The following RELT variants were observed in gnomAD, a reference collection of about 807,000 sequenced individuals.
RELT encodes RELT TNF receptor.
In RELT, 37 loss-of-function variants were observed where a neutral mutation model predicts 51.1. That is an observed-to-expected ratio of 0.72 (90% CI 0.56 to 0.95). The LOEUF (loss-of-function observed/expected upper bound fraction) is 0.95, where lower values mean the gene tolerates loss of function less well. RELT is among the 40% of genes least tolerant of loss of function. The pLI is 0.00. For missense variants in RELT, 535 were observed against 572.6 expected, an observed-to-expected ratio of 0.93 and a Z score of 0.67; for synonymous variants, 241 against 235.7, an observed-to-expected ratio of 1.02 and a Z score of -0.21.
At chr11:73,392,046 A>G in intron 5 of RELT, 165 bp from the exon 6 acceptor site, 1 of 779,220 alleles carries the variant, frequency 1.3e-6, no homozygotes, top group Non-Finnish European at 2.0e-6. Context: ...AAGGGAAAAC[A>G]GGAGGGCAGT....
intron 6 of RELT, chr11:73,393,107 A>G (rs1412562357): frequency 3.0e-6 from 3 of 997,422 alleles, no homozygotes; most frequent in South Asian, 8.7e-5. Context: ...GGCATCTCCC[A>G]TGCTAGCACC....
chr11:73,388,222 T>C lies in RELT; in HGVS notation c.-25-890T>C, dbSNP rs925401221. ...TCGTTTCTTGGCACTTACCACCAAA[T>C]GGCAGGGGCACCTCTCTGTTTGCAG... On this transcript the variant is annotated intron_variant, in intron 1 of 10. Transcript: ENST00000064780. This position sits in a 1 kb window ranked among gnomAD's most constrained non-coding sequence, Gnocchi z 4.1. Among the ~76,000 whole-genome samples the C allele has an allele frequency of 7.9e-5, 12 of 152,210 alleles. No homozygotes were observed. Among genetic ancestry groups the C allele is most frequent in the African/African-American group, 2.9e-4 (12 of 41,462 alleles).
intron 1 of RELT, among the ~76,000 whole-genome samples, chr11:73,378,937 A>G (rs1442646562): frequency 6.6e-6 from 1 of 152,162 alleles, no homozygotes; most frequent in South Asian, 2.1e-4. Context: ...TCCCCTTTGC[A>G]GTTGCTCTAG....
chr11:73,392,443 G>A lies in RELT; in HGVS notation c.600G>A (p.Gly200=), dbSNP rs1866233512. The change falls in exon 6 of 11, where the codon GGG becomes GGA. Residue 200 remains glycine, a synonymous_variant. Coordinates refer to ENST00000064780, the MANE Select transcript of RELT (RefSeq NM_152222.2). The part of the protein sequence containing the change: ...GYHCTAHKEV[G]PGPGGGGSGI... ...ACTGCACGGCGCACAAGGAGGTCGG[G>A]CCCGGCCCTGGAGGTGGAGGCAGTG... 6.2e-7 allele frequency: 1 copy of A among 1,613,130 alleles called. No homozygotes were observed. Among genetic ancestry groups the A allele is most frequent in the Middle Eastern group, 1.6e-4 (1 of 6,062 alleles).
intron 1 of RELT, among the ~76,000 whole-genome samples, chr11:73,386,964 G>A (rs1258718779): frequency 3.7e-5 from 4 of 109,526 alleles, no homozygotes; most frequent in African/African-American, 1.2e-4. Flanking sequence ...TTTTTTTTTT[G>A]AGATGGAGTC....
intron 2 of RELT, among the ~76,000 whole-genome samples, chr11:73,389,671 C>A (rs1483904080): frequency 6.6e-6 from 1 of 152,240 alleles, no homozygotes; most frequent in African/African-American, 2.4e-5. Context: ...ATCTTGGGGT[C>A]TGCCCTGGGG....
intron 1 of RELT, among the ~76,000 whole-genome samples, chr11:73,385,037 C>G (rs950469018): frequency 8.6e-5 from 13 of 151,858 alleles, no homozygotes; most frequent in African/African-American, 3.1e-4. Flanking sequence ...GGGGGCGCGT[C>G]ACGACGCCAT....
At chr11:73,384,721 G>C (rs1288939475) in intron 1 of RELT, 1 of 152,264 alleles carries the variant, frequency 6.6e-6, no homozygotes, top group Non-Finnish European at 1.5e-5. Context: ...GCATAGCTGG[G>C]CTCTCTACCA....
intron 1 of RELT, among the ~76,000 whole-genome samples, chr11:73,381,933 TG>T (rs1866056369): frequency 6.6e-6 from 1 of 152,154 alleles, no homozygotes; most frequent in Non-Finnish European, 1.5e-5. Context: ...GGCTGTTGCT[TG>T]GTCCTGAGCT....
intron 1 of RELT, among the ~76,000 whole-genome samples, chr11:73,379,020 T>G (rs1197410429): frequency 3.3e-5 from 5 of 152,154 alleles, no homozygotes; most frequent in Non-Finnish European, 7.3e-5. Context: ...TGGTCCCTAC[T>G]CTCTCTGGGC....
rs981371372 is a variant in RELT at position 73,395,550 on chromosome 11, G to A, written c.*59G>A. ...CCCTGGGAGGTTCCGAAGGCTTCCT[G>A]GAGGAGGTGGAGCTGCAGCTGGGAC... On this transcript the variant is annotated 3_prime_UTR_variant, in exon 11 of 11. Transcript: ENST00000064780. 3 of 779,894 alleles carry A rather than the reference G, an allele frequency of 3.8e-6. No homozygotes were observed. In the African/African-American group the frequency reaches 5.1e-5, roughly 13 times the overall value. 48.3% of individuals were successfully genotyped at this position (779,894 alleles called of 1,614,324 possible).
At chr11:73,390,090 G>C (rs779464549) in intron 2 of RELT, among the ~76,000 whole-genome samples, 1 of 152,164 alleles carries the variant, frequency 6.6e-6, no homozygotes, top group African/African-American at 2.4e-5. Flanking sequence ...GCTGAAGGGA[G>C]AGCCCAGAAT....
At chr11:73,389,411 C>A (rs1866176078) in intron 2 of RELT, among the ~76,000 whole-genome samples, 1 of 152,222 alleles carries the variant, frequency 6.6e-6, no homozygotes, top group Non-Finnish European at 1.5e-5. Context: ...GCAAGGCAGG[C>A]ATGGCTGAGG....
At chr11:73,383,881 G>A (rs1344860205) in intron 1 of RELT, among the ~76,000 whole-genome samples, 1 of 152,240 alleles carries the variant, frequency 6.6e-6, no homozygotes, top group African/African-American at 2.4e-5. Flanking sequence ...AGCCCCACTT[G>A]CCAGGGAACC....
intron 1 of RELT, among the ~76,000 whole-genome samples, chr11:73,385,572 TAAAAC>T (rs900332542): frequency 6.6e-6 from 1 of 151,866 alleles, no homozygotes; most frequent in Non-Finnish European, 1.5e-5. Context: ...TTGTGGCAAA[TAAAAC>T]AGACGTCCCT....
rs1036042790 is a variant in RELT at position 73,395,560 on chromosome 11, G to A, written c.*69G>A. On this transcript the variant is annotated 3_prime_UTR_variant, in exon 11 of 11. Coordinates refer to ENST00000064780, the MANE Select transcript of RELT (RefSeq NM_152222.2). ...TTCCGAAGGCTTCCTGGAGGAGGTG[G>A]AGCTGCAGCTGGGACTGTGAGGACC... is the stretch of plus-strand genomic sequence containing the variant. 1 of 779,182 alleles carries A rather than the reference G, an allele frequency of 1.3e-6. No homozygotes were observed. The highest frequency in any genetic ancestry group is 2.4e-6 in the Non-Finnish European group (1 of 417,308). 48.3% of individuals were successfully genotyped at this position (779,182 alleles called of 1,614,324 possible).
rs201315307 is a variant in RELT, at chr11:73,395,186, C to T, written c.1146C>T (p.Asp382=). The T allele has an allele frequency of 9.9e-6, 16 of 1,613,220 alleles. No homozygotes were observed. The highest frequency in any genetic ancestry group is 1.7e-5 in the Admixed American group (1 of 60,008). The change falls in exon 10 of 11, where the codon GAC becomes GAT. Residue 382 remains aspartate, a synonymous_variant. Coordinates refer to ENST00000064780, the MANE Select transcript of RELT (RefSeq NM_152222.2). The part of the protein sequence containing the change: ...EAGPSWGDLP[D]SPQPGLPPEQ... ...GGCCCTCGTGGGGTGATCTCCCTGA[C>T]TCCCCACAGCCTGGCCTCCCCCCTG...
chr11:73,380,164 A>T (rs1029249080), intron 1 of RELT, among the ~76,000 whole-genome samples: 1 of 152,192 alleles, frequency 6.6e-6, no homozygotes, highest in Non-Finnish European at 1.5e-5. Context: ...CAGCGTGGCC[A>T]GTAGCCCACC....
intron 1 of RELT, among the ~76,000 whole-genome samples, chr11:73,377,923 T>A (rs1213109973): frequency 6.6e-6 from 1 of 152,142 alleles, no homozygotes; most frequent in Non-Finnish European, 1.5e-5. Context: ...AAGCACAGCC[T>A]TCTCCAAAAC....
Sources: allele counts gnomAD v4.1 joint callset (sites outside exome capture counted in the v4.1 genomes callset), GRCh38; gene constraint gnomAD v4.1.1; non-coding constraint Gnocchi (gnomAD v3.1); transcripts MANE v1.5; gene names NCBI Gene and HGNC (gene_info 2026-07-23, HGNC 2026-07-21).